The following CRPPA variants were observed in gnomAD, a reference collection of about 807,000 sequenced individuals.
The protein encoded by CRPPA is D-ribitol-5-phosphate cytidylyltransferase.
Under a neutral mutation model 52.0 loss-of-function variants are expected in CRPPA, and 43 were observed. The ratio of observed to expected loss-of-function variants is 0.83; its 90% CI spans 0.65 to 1.07. The LOEUF is 1.07. Among genes scored for constraint, CRPPA ranks in the 50% least tolerant of loss-of-function variants. The probability of loss-of-function intolerance (pLI) is 0.00; values close to 1 mark genes in which losing one functional copy is unlikely to be tolerated. For synonymous variants in CRPPA, 250 were observed against 203.5 expected (o/e 1.23, Z -1.94); for missense variants, 629 against 551.7 (o/e 1.14, Z -1.40).
At chr7:16,273,588 C>G (rs541211022) in intron 6 of CRPPA, among the ~76,000 whole-genome samples, 1 of 152,024 alleles carries the variant, frequency 6.6e-6, no homozygotes, top group Non-Finnish European at 1.5e-5. Flanking sequence ...CACTTCCACT[C>G]GTCAGTAAAT....
At chr7:16,222,746 T>C (rs12216621) in intron 8 of CRPPA, among the ~76,000 whole-genome samples, 30,908 of 152,134 alleles carry the variant, frequency 0.2, 3,877 homozygotes, top group South Asian at 0.43. Flanking sequence ...ATAGAGACTA[T>C]TTTTAAGCAG....
At chr7:16,174,464 C>G (rs1465368338) in intron 9 of CRPPA, among the ~76,000 whole-genome samples, 1 of 152,144 alleles carries the variant, frequency 6.6e-6, no homozygotes, top group Non-Finnish European at 1.5e-5. Flanking sequence ...GAGAAATAAG[C>G]AAATGGCAGA....
chr7:16,317,382 T>C (rs570257765), intron 3 of CRPPA, among the ~76,000 whole-genome samples: 1 of 152,316 alleles, frequency 6.6e-6, no homozygotes, highest in South Asian at 2.1e-4. Context: ...AAATGTAAAT[T>C]GTTAACCCTA....
At chr7:16,291,536 C>T (rs1784564603) in intron 5 of CRPPA, among the ~76,000 whole-genome samples, 1 of 151,706 alleles carries the variant, frequency 6.6e-6, no homozygotes, top group African/African-American at 2.4e-5. Context: ...ATAAAGAAAA[C>T]TGATTTCTTA....
At chr7:16,121,347 C>A (rs938993657) in intron 9 of CRPPA, among the ~76,000 whole-genome samples, 22 of 152,122 alleles carry the variant, frequency 1.4e-4, no homozygotes, top group African/African-American at 5.3e-4. Context: ...GTCTAATACA[C>A]ATTCACACCT....
intron 9 of CRPPA, among the ~76,000 whole-genome samples, chr7:16,176,982 A>C (rs973374934): frequency 2.0e-5 from 3 of 152,170 alleles, no homozygotes; most frequent in African/African-American, 7.2e-5. Flanking sequence ...AGAAAAACCT[A>C]TTGATATACG....
At chr7:16,326,847 C>T (rs1200279146) in intron 3 of CRPPA, among the ~76,000 whole-genome samples, 3 of 151,896 alleles carry the variant, frequency 2.0e-5, no homozygotes, top group Non-Finnish European at 1.5e-5. Context: ...GATATAATTC[C>T]AAATTGGACC....
At chr7:16,179,824 C>T (rs976224308) in intron 9 of CRPPA, among the ~76,000 whole-genome samples, 8 of 152,098 alleles carry the variant, frequency 5.3e-5, no homozygotes, top group Non-Finnish European at 1.2e-4. Context: ...GAAGTCTTTT[C>T]TTAGTTATAG....
chr7:16,152,319 GA>G (rs1783091399), intron 9 of CRPPA, among the ~76,000 whole-genome samples: 1 of 150,438 alleles, frequency 6.6e-6, no homozygotes, highest in African/African-American at 2.4e-5. Context: ...TACTTTATAT[GA>G]ATTTATAAGT....
intron 3 of CRPPA, among the ~76,000 whole-genome samples, chr7:16,345,837 A>G (rs1384572020): frequency 6.6e-6 from 1 of 152,178 alleles, no homozygotes. Context: ...TGCTGCTACA[A>G]CTAGAACATT....
At chr7:16,327,594 C>T (rs371392973) in intron 3 of CRPPA, among the ~76,000 whole-genome samples, 55 of 85,224 alleles carry the variant, frequency 6.5e-4, no homozygotes, top group African/African-American at 2.7e-3. Context: ...AGCGAGACTC[C>T]GTCTCAAAAA....
chr7:16,175,723 G>A (rs1781282763), intron 9 of CRPPA, among the ~76,000 whole-genome samples: 1 of 152,142 alleles, frequency 6.6e-6, no homozygotes, highest in Non-Finnish European at 1.5e-5. Flanking sequence ...TAATAATTAT[G>A]CAAATTATGT....
intron 8 of CRPPA, among the ~76,000 whole-genome samples, chr7:16,239,754 A>G (rs1483103858): frequency 6.6e-6 from 1 of 152,184 alleles, no homozygotes; most frequent in Non-Finnish European, 1.5e-5. Context: ...ATTTACTAGA[A>G]TAGCACTGGA....
At chr7:16,380,723 G>C (rs1418297162) in intron 2 of CRPPA, among the ~76,000 whole-genome samples, 1 of 152,294 alleles carries the variant, frequency 6.6e-6, no homozygotes, top group East Asian at 1.9e-4. Context: ...ACTTGGGAGG[G>C]TGTATGTGTC....
At chr7:16,387,082 TATATACAC>T (rs1462061688) in intron 2 of CRPPA, among the ~76,000 whole-genome samples, 527 of 35,022 alleles carry the variant, frequency 0.015, 10 homozygotes, top group African/African-American at 0.044. Flanking sequence ...TATATATATA[TATATACAC>T]ACATATATAT....
At chr7:16,204,130 T>C (rs578225588) in intron 9 of CRPPA, among the ~76,000 whole-genome samples, 24 of 152,338 alleles carry the variant, frequency 1.6e-4, no homozygotes, top group Non-Finnish European at 2.9e-4. Context: ...TTTTGCAATT[T>C]ACACATTTTA....
intron 9 of CRPPA, among the ~76,000 whole-genome samples, chr7:16,147,880 T>C (rs529252545): frequency 6.6e-6 from 1 of 152,176 alleles, no homozygotes. Context: ...AGGATTTTCA[T>C]CCTGTTTATT....
chr7:16,409,313 C>T (rs1788026166), intron 1 of CRPPA, among the ~76,000 whole-genome samples: 1 of 152,194 alleles, frequency 6.6e-6, no homozygotes. Context: ...ATTGAGACTT[C>T]TGACCTCCAA....
chr7:16,347,005 G>A (rs1786029776), intron 3 of CRPPA, among the ~76,000 whole-genome samples: 1 of 152,016 alleles, frequency 6.6e-6, no homozygotes, highest in Non-Finnish European at 1.5e-5. Context: ...AAGTGATTAA[G>A]AATTACTGTT....
Sources: gnomAD v4.1 joint callset for allele counts (sites outside exome capture counted in the v4.1 genomes callset) on GRCh38, gnomAD v4.1.1 for gene constraint, MANE v1.5 for transcripts, NCBI Gene and HGNC (gene_info 2026-07-23, HGNC 2026-07-21) for gene names.